Variants in CADPS2 observed in about 807,000 individuals in gnomAD.
The protein encoded by CADPS2 is calcium dependent secretion activator 2.
Under a neutral mutation model 172.5 loss-of-function variants are expected in CADPS2, and 93 were observed. The ratio of observed to expected loss-of-function variants is 0.54; its 90% CI spans 0.46 to 0.64. The LOEUF is 0.64. CADPS2 is among the 30% of genes least tolerant of loss of function. The pLI is 0.00. For missense variants in CADPS2, 1,420 were observed against 1,565.9 expected (o/e 0.91, Z 1.57); for synonymous variants, 546 against 555.2 (o/e 0.98, Z 0.23).
chr7:122,815,584 A>G (rs1801117014), intron 1 of CADPS2, among the ~76,000 whole-genome samples: 1 of 151,310 alleles, frequency 6.6e-6, no homozygotes, highest in Admixed American at 6.6e-5. Context: ...ATAGACCTGG[A>G]GGAAAAAAAA....
At chr7:122,343,303 C>T (rs1027912928) in intron 28 of CADPS2, among the ~76,000 whole-genome samples, 3 of 152,090 alleles carry the variant, frequency 2.0e-5, no homozygotes. Flanking sequence ...CCTTCACAAC[C>T]AAAACAGAAT....
intron 17 of CADPS2, among the ~76,000 whole-genome samples, chr7:122,430,623 G>A (rs1174613971): frequency 1.3e-5 from 2 of 152,130 alleles, no homozygotes; most frequent in Non-Finnish European, 2.9e-5. Context: ...ATTTTTAATA[G>A]GGTAAGTCAA....
intron 20 of CADPS2, among the ~76,000 whole-genome samples, chr7:122,394,872 G>A (rs1381220022): frequency 6.6e-6 from 1 of 152,158 alleles, no homozygotes; most frequent in Non-Finnish European, 1.5e-5. Flanking sequence ...AGTGAAAACA[G>A]AGAAAAAGGT....
At chr7:122,464,292 G>A (rs543186585) in intron 14 of CADPS2, among the ~76,000 whole-genome samples, 1 of 152,196 alleles carries the variant, frequency 6.6e-6, no homozygotes, top group Admixed American at 6.5e-5. Context: ...GAGCAACAAA[G>A]TAATTTAGAT....
intron 1 of CADPS2, among the ~76,000 whole-genome samples, chr7:122,829,952 T>C (rs967765132): frequency 2.6e-5 from 4 of 152,010 alleles, no homozygotes; most frequent in Non-Finnish European, 5.9e-5. Context: ...AGAGATGAGA[T>C]ACCTATTTAT....
intron 2 of CADPS2, among the ~76,000 whole-genome samples, chr7:122,726,629 A>G (rs1447792517): frequency 6.6e-6 from 1 of 152,016 alleles, no homozygotes; most frequent in African/African-American, 2.4e-5. Context: ...AAACTGACTT[A>G]AGAGTAACAT....
chr7:122,487,153 G>C (rs1466626487), intron 11 of CADPS2, among the ~76,000 whole-genome samples: 3 of 151,418 alleles, frequency 2.0e-5, no homozygotes, highest in Non-Finnish European at 4.4e-5. Context: ...TGGGACTACA[G>C]CCACGTACCA....
At chr7:122,591,577 T>C (rs1411536533) in intron 6 of CADPS2, among the ~76,000 whole-genome samples, 1 of 151,954 alleles carries the variant, frequency 6.6e-6, no homozygotes, top group East Asian at 1.9e-4. Context: ...TGCTACCTGA[T>C]TTCAAACTAC....
intron 13 of CADPS2, among the ~76,000 whole-genome samples, chr7:122,472,386 C>A (rs932558840): frequency 2.6e-5 from 4 of 151,996 alleles, no homozygotes; most frequent in South Asian, 2.1e-4. Flanking sequence ...AGAGAAGAAC[C>A]ATCAGGTGTG....
chr7:122,786,692 C>T (rs1275657704), intron 1 of CADPS2, among the ~76,000 whole-genome samples: 1 of 152,150 alleles, frequency 6.6e-6, no homozygotes, highest in Admixed American at 6.5e-5. Flanking sequence ...ACAACTACTA[C>T]TTTCAGAGCC....
At chr7:122,363,441 T>C (rs2040442778) in intron 25 of CADPS2, among the ~76,000 whole-genome samples, 1 of 151,854 alleles carries the variant, frequency 6.6e-6, no homozygotes, top group Non-Finnish European at 1.5e-5. Flanking sequence ...AGGAAGCCTG[T>C]TGATGAATTT....
intron 1 of CADPS2, among the ~76,000 whole-genome samples, chr7:122,852,559 G>A (rs1049782558): frequency 2.0e-5 from 3 of 152,176 alleles, no homozygotes; most frequent in African/African-American, 7.2e-5. Context: ...GTTAATGGTT[G>A]AGCAAAGGCA....
chr7:122,688,562 C>T (rs751260132), intron 2 of CADPS2, among the ~76,000 whole-genome samples: 109 of 152,206 alleles, frequency 7.2e-4, no homozygotes, highest in Non-Finnish European at 1.5e-3. Context: ...AGTGTCCGCT[C>T]TGTCTCAGCT....
intron 28 of CADPS2, among the ~76,000 whole-genome samples, chr7:122,335,569 A>G (rs943060294): frequency 2.6e-5 from 4 of 152,210 alleles, no homozygotes; most frequent in African/African-American, 9.6e-5. Flanking sequence ...TAGGGAATAT[A>G]TGGAACTATA....
Position 122,654,885 on chromosome 7 carries a change from T to C in CADPS2, c.786+8352A>G, listed in dbSNP as rs567600262. Among the ~76,000 whole-genome samples the C allele has an allele frequency of 4.6e-5, 7 of 152,260 alleles. No individual in the cohort carries two copies. In the East Asian group the frequency reaches 1.2e-3, roughly 25 times the overall value. Reference sequence around the variant, plus strand: ...ACCATTCTAGATGCCATTAACACACTTGTGATTCAAGGGAGGAAGTTAAAA... The same window carrying C: ...ACCATTCTAGATGCCATTAACACACCTGTGATTCAAGGGAGGAAGTTAAAA... On this transcript the variant is annotated intron_variant, in intron 3 of 29. Transcript: ENST00000449022.
chr7:122,343,247 C>T (rs2037056062), intron 28 of CADPS2, among the ~76,000 whole-genome samples: 1 of 152,086 alleles, frequency 6.6e-6, no homozygotes, highest in South Asian at 2.1e-4. Flanking sequence ...AATTATTTTA[C>T]AAATAACAAG....
At chr7:122,361,540 A>G (rs992771556) in intron 25 of CADPS2, among the ~76,000 whole-genome samples, 4 of 151,948 alleles carry the variant, frequency 2.6e-5, no homozygotes, top group African/African-American at 9.7e-5. Context: ...CCAATAATAC[A>G]CAATTTTTAA....
chr7:122,544,581 A>T (rs1040768455), intron 8 of CADPS2, among the ~76,000 whole-genome samples: 6 of 152,166 alleles, frequency 3.9e-5, no homozygotes, highest in African/African-American at 1.4e-4. Context: ...GGACTCATTC[A>T]TATGCCTGAA....
At chr7:122,519,788 G>A (rs954104906) in intron 8 of CADPS2, among the ~76,000 whole-genome samples, 2 of 151,916 alleles carry the variant, frequency 1.3e-5, no homozygotes, top group African/African-American at 2.4e-5. Context: ...TGATGTAGAT[G>A]TGTAGAATAT....
Sources: allele counts gnomAD v4.1 joint callset (sites outside exome capture counted in the v4.1 genomes callset), GRCh38; gene constraint gnomAD v4.1.1; transcripts MANE v1.5; gene names NCBI Gene and HGNC (gene_info 2026-07-23, HGNC 2026-07-21).